CELF4: variants seen among roughly 807,000 people sequenced by gnomAD.
The protein encoded by CELF4 is CUGBP Elav-like family member 4.
A neutral mutation model predicts 59.9 loss-of-function variants in CELF4; 18 were observed. That is an observed-to-expected ratio of 0.30 (90% CI 0.21 to 0.45). The LOEUF (loss-of-function observed/expected upper bound fraction) is 0.45. CELF4 is among the 20% of genes least tolerant of loss of function. The pLI, the probability that CELF4 is intolerant of heterozygous loss-of-function variation, is 1.00. For synonymous variants in CELF4, 261 were observed against 267.1 expected (o/e 0.98, Z 0.22); for missense variants, 456 against 689.0 (o/e 0.66, Z 3.79).
chr18:37,419,627 G>A (rs146479504), intron 2 of CELF4, among the ~76,000 whole-genome samples: 181 of 152,266 alleles, frequency 1.2e-3, no homozygotes, highest in African/African-American at 4.2e-3. Flanking sequence ...CTCCTATGCT[G>A]GTCAGGTGGT....
At position 37,548,318 on chromosome 18, in the gene CELF4, G is replaced by A. The variant is rs566364752; in HGVS notation, c.286+17038C>T. Among the ~76,000 whole-genome samples, 4 of 152,282 alleles carry A rather than the reference G, an allele frequency of 2.6e-5. No individual in the cohort carries two copies. The East Asian group carries it at 7.7e-4, about 29-fold the overall frequency. On this transcript the variant is annotated intron_variant, in intron 1 of 12. Coordinates refer to ENST00000420428, the MANE Select transcript of CELF4 (RefSeq NM_020180.4). ...GGGAGCATGCAGTCAAGGAAGCGTG[G>A]CCGGCTTGAGCATATGACCAATCTG... is the stretch of plus-strand genomic sequence containing the variant.
intron 2 of CELF4, among the ~76,000 whole-genome samples, chr18:37,429,196 A>G (rs974760604): frequency 3.9e-4 from 59 of 152,284 alleles, no homozygotes; most frequent in African/African-American, 1.4e-3. Flanking sequence ...TTGTTCTGAA[A>G]TGTAGTTCTC....
intron 2 of CELF4, among the ~76,000 whole-genome samples, chr18:37,456,386 C>G (rs1042626385): frequency 6.6e-6 from 1 of 152,144 alleles, no homozygotes; most frequent in Admixed American, 6.5e-5. Context: ...AGGACTCTGC[C>G]TGCCCTATAT....
intron 9 of CELF4, chr18:37,266,079 A>G (rs1569278387): frequency 4.3e-6 from 1 of 234,444 alleles, no homozygotes; most frequent in Admixed American, 5.2e-5. Flanking sequence ...GGGAATGGGG[A>G]AACGGCATCT....
chr18:37,368,788 G>A (rs775867785), intron 2 of CELF4, among the ~76,000 whole-genome samples: 1 of 152,244 alleles, frequency 6.6e-6, no homozygotes, highest in Non-Finnish European at 1.5e-5. Context: ...GAACAGCCCC[G>A]TGTGCACACC....
chr18:37,525,235 C>T (rs183409588), intron 1 of CELF4, among the ~76,000 whole-genome samples: 18 of 152,314 alleles, frequency 1.2e-4, no homozygotes, highest in Admixed American at 1.2e-3. Flanking sequence ...GAGGCCCTGC[C>T]CTTTCACACC....
intron 3 of CELF4, among the ~76,000 whole-genome samples, chr18:37,315,323 A>G (rs2096830252): frequency 6.6e-6 from 1 of 152,060 alleles, no homozygotes; most frequent in African/African-American, 2.4e-5. Flanking sequence ...CACAGACAAG[A>G]TGAGCACGGG....
chr18:37,376,623 C>A (rs893800790), intron 2 of CELF4, among the ~76,000 whole-genome samples: 4 of 152,214 alleles, frequency 2.6e-5, no homozygotes, highest in African/African-American at 9.6e-5. Context: ...CCATCATCCT[C>A]AGGAGTGTGG....
At chr18:37,391,439 G>T (rs2099160759) in intron 2 of CELF4, among the ~76,000 whole-genome samples, 1 of 152,216 alleles carries the variant, frequency 6.6e-6, no homozygotes, top group South Asian at 2.1e-4. Context: ...CTGAATGCAG[G>T]CTGGGCCCTC....
chr18:37,485,773 G>A (rs66738043), intron 1 of CELF4, 166 bp from the exon 2 acceptor site: 82,002 of 395,216 alleles, frequency 0.21, 9,042 homozygotes, highest in South Asian at 0.33. Flanking sequence ...CTGCCTCTCG[G>A]TGTTCCCGGC....
chr18:37,490,814 G>T (rs1218185614), intron 1 of CELF4, among the ~76,000 whole-genome samples: 1 of 152,138 alleles, frequency 6.6e-6, no homozygotes, highest in Admixed American at 6.5e-5. Flanking sequence ...GTGATCCAGG[G>T]GCTCTCTGGG....
chr18:37,344,792 C>T (rs1158453646), intron 2 of CELF4, among the ~76,000 whole-genome samples: 5 of 152,330 alleles, frequency 3.3e-5, no homozygotes, highest in Admixed American at 6.5e-5. Context: ...TGACAGATGA[C>T]GGGAACGGCT....
intron 1 of CELF4, among the ~76,000 whole-genome samples, chr18:37,560,451 GC>G (rs1362548016): frequency 6.6e-6 from 1 of 152,060 alleles, no homozygotes; most frequent in East Asian, 1.9e-4. Context: ...GGTGATTGTT[GC>G]TTTGATATGC....
At position 37,253,820 on chromosome 18, in the gene CELF4, G is replaced by A. The variant is rs748067802; in HGVS notation, c.1452C>T (p.Arg484=). 1 of 1,604,356 alleles carries A rather than the reference G, an allele frequency of 6.2e-7. No individual in the cohort carries two copies. The highest frequency in any genetic ancestry group is 8.5e-7 in the Non-Finnish European group (1 of 1,175,852). Residue 484 remains arginine, a synonymous_variant, in exon 12 of 13, where the codon CGC becomes CGT. Transcript: ENST00000420428. This position sits in a 1 kb window ranked among gnomAD's most constrained non-coding sequence, Gnocchi z 4.5. The part of the protein sequence containing the change: ...VQLKRPKDAN[R]PY ...ACGCTCCCGCCGGCGCTCAGTACGG[G>A]CGATTGGCGTCTTTGGGCCGCTTCA...
In CELF4 at chr18:37,259,227, G is replaced by A; in HGVS notation, c.1287C>T (p.Pro429=). Residue 429 remains proline (P), a synonymous_variant, in exon 11 of 13, where the codon CCC becomes CCT. Coordinates refer to ENST00000420428, the MANE Select transcript of CELF4 (RefSeq NM_020180.4). Reference sequence around the variant, plus strand: ...TCAGCTCAGCGTCCCCAAACTCCTGGGGCAGATGGTAGATGAACAGGTTAC... The same window carrying A: ...TCAGCTCAGCGTCCCCAAACTCCTGAGGCAGATGGTAGATGAACAGGTTAC... ...EGCNLFIYHL[P]QEFGDAELMQ... is the part of the protein sequence containing the mutation. 5 of 1,610,142 alleles carry A rather than the reference G, an allele frequency of 3.1e-6. No individual in the cohort carries two copies. Among genetic ancestry groups the A allele is most frequent in the Non-Finnish European group, 4.2e-6 (5 of 1,178,128 alleles).
chr18:37,514,606 C>G (rs1226632876), intron 1 of CELF4, among the ~76,000 whole-genome samples: 3 of 152,166 alleles, frequency 2.0e-5, no homozygotes, highest in Non-Finnish European at 4.4e-5. Flanking sequence ...CTCCCGGTCC[C>G]AAGCCCAAGG....
At chr18:37,437,495 T>C (rs1048783458) in intron 2 of CELF4, among the ~76,000 whole-genome samples, 1 of 152,064 alleles carries the variant, frequency 6.6e-6, no homozygotes, top group African/African-American at 2.4e-5. Context: ...GGAGATACTA[T>C]GGAAACTGGG....
intron 3 of CELF4, among the ~76,000 whole-genome samples, chr18:37,317,115 G>A (rs1348927646): frequency 1.3e-5 from 2 of 152,192 alleles, no homozygotes; most frequent in Non-Finnish European, 2.9e-5. Context: ...GGCCGGGCGC[G>A]GTGGCTTATG....
chr18:37,382,775 T>C (rs893906659), intron 2 of CELF4, among the ~76,000 whole-genome samples: 3 of 152,204 alleles, frequency 2.0e-5, no homozygotes, highest in African/African-American at 7.2e-5. Flanking sequence ...ATTAAAACTC[T>C]TGTGCACTTT....
Sources: allele counts gnomAD v4.1 joint callset (sites outside exome capture counted in the v4.1 genomes callset), GRCh38; gene constraint gnomAD v4.1.1; non-coding constraint Gnocchi (gnomAD v3.1); transcripts MANE v1.5; gene names NCBI Gene and HGNC (gene_info 2026-07-23, HGNC 2026-07-21).